The following SLIT3 variants were observed in gnomAD, a reference collection of about 807,000 sequenced individuals.
SLIT3 encodes the protein slit homolog 3 protein.
In SLIT3, 68 loss-of-function variants were observed where a neutral mutation model predicts 184.0. That is an observed-to-expected ratio of 0.37 (90% confidence interval 0.30 to 0.45). The LOEUF is 0.45. Ranked by LOEUF, SLIT3 falls within the 20% of genes least tolerant of loss-of-function variation. SLIT3 has a pLI of 1.00. For synonymous variants in SLIT3, 831 were observed against 828.6 expected, an observed-to-expected ratio of 1.00 and a Z score of -0.05; for missense variants, 1,707 against 2,026.0, an observed-to-expected ratio of 0.84 and a Z score of 3.02.
chr5:168,906,470 CAG>C (rs533254155), intron 4 of SLIT3, among the ~76,000 whole-genome samples: 11 of 152,132 alleles, frequency 7.2e-5, no homozygotes, highest in Non-Finnish European at 1.2e-4. Flanking sequence ...AACGAAAAAA[CAG>C]AGAGTTTAAT....
At chr5:169,137,304 A>T (rs1010604036) in intron 4 of SLIT3, among the ~76,000 whole-genome samples, 2 of 137,870 alleles carry the variant, frequency 1.5e-5, no homozygotes, top group Non-Finnish European at 3.0e-5. Flanking sequence ...TTCTATCTAC[A>T]TACACACACA....
intron 5 of SLIT3, among the ~76,000 whole-genome samples, chr5:168,868,747 CAAA>C (rs375837097): frequency 4.3e-5 from 3 of 69,304 alleles, no homozygotes; most frequent in African/African-American, 5.4e-5. Context: ...GAATCTGCCT[CAAA>C]AAAAAAAAAA....
At chr5:168,885,319 T>C (rs1210315906) in intron 4 of SLIT3, among the ~76,000 whole-genome samples, 1 of 152,156 alleles carries the variant, frequency 6.6e-6, no homozygotes, top group Non-Finnish European at 1.5e-5. Flanking sequence ...TAAATTCAGA[T>C]GCACAATGAG....
intron 4 of SLIT3, among the ~76,000 whole-genome samples, chr5:169,170,504 C>T (rs990497659): frequency 8.5e-5 from 13 of 152,110 alleles, no homozygotes; most frequent in East Asian, 1.9e-4. Context: ...GGAATGAAGA[C>T]GGTTTTGTCC....
intron 4 of SLIT3, among the ~76,000 whole-genome samples, chr5:168,970,312 A>G (rs1395716494): frequency 2.0e-5 from 3 of 152,026 alleles, no homozygotes; most frequent in African/African-American, 7.2e-5. Flanking sequence ...CCTGGCCAAC[A>G]TGGTGAAACC....
At chr5:169,045,551 T>C (rs142665825) in intron 4 of SLIT3, among the ~76,000 whole-genome samples, 4 of 152,128 alleles carry the variant, frequency 2.6e-5, no homozygotes, top group South Asian at 2.1e-4. Flanking sequence ...AGGTATTCAA[T>C]AGATGATTTT....
At position 168,661,936 on chromosome 5, in the gene SLIT3, A is replaced by G. The variant is rs922993322; in HGVS notation, c.*4518T>C. 2.0e-5 allele frequency: 3 copies of G among 152,372 alleles called. No individual in the cohort carries two copies. The South Asian group carries it at 6.2e-4, about 32-fold the overall frequency. The allele number at this position is 152,372 out of a possible 1,614,324, so 9.4% of individuals were successfully genotyped here. A position where few individuals can be genotyped will look rare whatever the true frequency, so the allele number is the denominator to read the frequency against. ...GAACCTATCATTGAATTAGAAAAGC[A>G]AGCTTTGCCAAATGCCTGATTATGC... is the stretch of plus-strand genomic sequence containing the variant. On this transcript the variant is annotated 3_prime_UTR_variant, in exon 36 of 36. Coordinates refer to ENST00000519560, the MANE Select transcript of SLIT3 (RefSeq NM_003062.4).
At chr5:168,960,912 T>C (rs939990845) in intron 4 of SLIT3, among the ~76,000 whole-genome samples, 6 of 152,222 alleles carry the variant, frequency 3.9e-5, no homozygotes, top group Non-Finnish European at 8.8e-5. Flanking sequence ...GGACTGAGGC[T>C]AGGGGCCAGG....
At chr5:169,043,464 C>T (rs574301738) in intron 4 of SLIT3, among the ~76,000 whole-genome samples, 1 of 152,254 alleles carries the variant, frequency 6.6e-6, no homozygotes, top group East Asian at 1.9e-4. Flanking sequence ...GTCTTAACCC[C>T]ACTGTATAAA....
intron 16 of SLIT3, among the ~76,000 whole-genome samples, chr5:168,757,625 C>T (rs375462791): frequency 3.3e-5 from 5 of 151,842 alleles, no homozygotes; most frequent in South Asian, 2.1e-4. Flanking sequence ...TTAGTAGAGA[C>T]GGGGTTTCAC....
At chr5:169,210,217 G>A (rs1365025504) in intron 3 of SLIT3, among the ~76,000 whole-genome samples, 1 of 152,170 alleles carries the variant, frequency 6.6e-6, no homozygotes, top group Non-Finnish European at 1.5e-5. Context: ...GAGAGGTAAG[G>A]CCAGACAGGT....
intron 3 of SLIT3, among the ~76,000 whole-genome samples, chr5:169,233,758 T>C (rs1336743375): frequency 6.6e-6 from 1 of 152,194 alleles, no homozygotes; most frequent in Non-Finnish European, 1.5e-5. Flanking sequence ...TCCATTCTTT[T>C]TCCTTGGTTC....
intron 18 of SLIT3, chr5:168,752,465 G>A (rs1017345128): frequency 6.9e-6 from 1 of 144,846 alleles, no homozygotes; most frequent in African/African-American, 2.7e-5. Flanking sequence ...CATGATCTCA[G>A]CTCACTGCAG....
At chr5:169,258,112 A>C (rs1468417714) in intron 1 of SLIT3, among the ~76,000 whole-genome samples, 1 of 152,106 alleles carries the variant, frequency 6.6e-6, no homozygotes, top group African/African-American at 2.4e-5. Context: ...CTAAGCTTAG[A>C]AGATTTTTAC....
chr5:168,923,319 C>A (rs931289000), intron 4 of SLIT3, among the ~76,000 whole-genome samples: 2 of 152,002 alleles, frequency 1.3e-5, no homozygotes, highest in Non-Finnish European at 2.9e-5. Context: ...TCTGACCAAC[C>A]ACCAAATTCT....
In SLIT3 at chr5:169,013,608, G is replaced by T. The variant is rs73802470; in HGVS notation, c.414-130272C>A. On this transcript the variant is annotated intron_variant, in intron 4 of 35. Coordinates refer to ENST00000519560, the MANE Select transcript of SLIT3 (RefSeq NM_003062.4). ...TTGGGTTACTCCACTTTCAGCAGCT[G>T]CTTGACCTCTGCCTCTTACGCCCGT... Among the ~76,000 whole-genome samples, 839 of 152,310 alleles carry T rather than the reference G, an allele frequency of 5.5e-3. 6 individuals carry two copies. Among genetic ancestry groups the T allele is most frequent in the African/African-American group, 0.019 (805 of 41,558 alleles).
At chr5:168,919,221 C>G (rs1581210883) in intron 4 of SLIT3, among the ~76,000 whole-genome samples, 1 of 149,220 alleles carries the variant, frequency 6.7e-6, no homozygotes, top group East Asian at 2.0e-4. Flanking sequence ...GATCGCGCCA[C>G]TGCACTCCAG....
chr5:168,946,498 G>A (rs1284344170), intron 4 of SLIT3, among the ~76,000 whole-genome samples: 1 of 152,208 alleles, frequency 6.6e-6, no homozygotes, highest in Non-Finnish European at 1.5e-5. Flanking sequence ...TGTTAGGGAG[G>A]GATTCTCATG....
At chr5:168,705,894 G>A (rs1328047900) in intron 26 of SLIT3, among the ~76,000 whole-genome samples, 1 of 152,180 alleles carries the variant, frequency 6.6e-6, no homozygotes, top group Non-Finnish European at 1.5e-5. Context: ...TTAGAATGGG[G>A]ATGATACTAC....
Sources: gnomAD v4.1 joint callset for allele counts (sites outside exome capture counted in the v4.1 genomes callset) on GRCh38, gnomAD v4.1.1 for gene constraint, MANE v1.5 for transcripts, NCBI Gene and HGNC (gene_info 2026-07-23, HGNC 2026-07-21) for gene names.